ALG6: variants seen among roughly 807,000 people sequenced by gnomAD.
ALG6 encodes ALG6 alpha-1,3-glucosyltransferase, also known as dolichyl pyrophosphate Man9GlcNAc2 alpha-1,3-glucosyltransferase.
ALG6 carries 46 observed loss-of-function variants against 66.6 expected under a neutral mutation model. That is an observed-to-expected ratio of 0.69 (90% CI 0.55 to 0.88). ALG6 has a LOEUF of 0.88. Ranked by LOEUF, ALG6 falls within the 40% of genes least tolerant of loss-of-function variation. ALG6 has a pLI of 0.00. For synonymous variants in ALG6, 185 were observed against 203.7 expected (o/e 0.91, Z 0.78); for missense variants, 505 against 586.8 (o/e 0.86, Z 1.44).
chr1:63,425,321 C>T (rs572599505), intron 12 of ALG6, among the ~76,000 whole-genome samples: 29 of 152,216 alleles, frequency 1.9e-4, no homozygotes, highest in African/African-American at 6.7e-4. Flanking sequence ...GGGGTAGGAT[C>T]TAGAGCACAA....
chr1:63,408,468 C>G (rs933044476), intron 7 of ALG6, among the ~76,000 whole-genome samples: 1 of 152,116 alleles, frequency 6.6e-6, no homozygotes, highest in Non-Finnish European at 1.5e-5. Flanking sequence ...TGGGCCATGA[C>G]GAATAATGCT....
intron 12 of ALG6, among the ~76,000 whole-genome samples, chr1:63,424,603 T>G (rs1370334122): frequency 1.3e-5 from 2 of 152,084 alleles, no homozygotes; most frequent in Admixed American, 6.5e-5. Flanking sequence ...GCACAAAAGT[T>G]TTTAATTTTG....
At chr1:63,376,690 A>G (rs1296017358) in intron 2 of ALG6, among the ~76,000 whole-genome samples, 1 of 152,178 alleles carries the variant, frequency 6.6e-6, no homozygotes, top group Non-Finnish European at 1.5e-5. Flanking sequence ...CTTTCTGTGT[A>G]CTACTAATTC....
At chr1:63,381,177 A>G (rs953050691) in intron 2 of ALG6, among the ~76,000 whole-genome samples, 4 of 151,868 alleles carry the variant, frequency 2.6e-5, no homozygotes, top group African/African-American at 9.7e-5. Flanking sequence ...AAAATTGGCC[A>G]GGCGCGGTGG....
chr1:63,371,885 G>A (rs1300611118), intron 2 of ALG6, among the ~76,000 whole-genome samples: 2 of 152,170 alleles, frequency 1.3e-5, no homozygotes, highest in Non-Finnish European at 2.9e-5. Flanking sequence ...TTACAGGCGT[G>A]AGCCACCGCA....
intron 5 of ALG6, among the ~76,000 whole-genome samples, chr1:63,405,192 C>T (rs1278689006): frequency 6.6e-6 from 1 of 152,028 alleles, no homozygotes; most frequent in Admixed American, 6.6e-5. Context: ...GAATCTTAGG[C>T]CCAAGAGATA....
At chr1:63,414,854 G>A (rs1252816735) in intron 10 of ALG6, among the ~76,000 whole-genome samples, 1 of 152,158 alleles carries the variant, frequency 6.6e-6, no homozygotes, top group East Asian at 1.9e-4. Context: ...AAGTCACAAG[G>A]CAGGCAGTCA....
intron 2 of ALG6, among the ~76,000 whole-genome samples, chr1:63,381,337 C>T (rs1648295716): frequency 6.6e-6 from 1 of 152,104 alleles, no homozygotes; most frequent in Non-Finnish European, 1.5e-5. Flanking sequence ...GCCTGTAGTC[C>T]CAGCTACTAG....
chr1:63,429,172 A>G, intron 14 of ALG6, 46 bp downstream of exon 14: 1 of 1,358,522 alleles, frequency 7.4e-7, no homozygotes, highest in South Asian at 1.3e-5. Context: ...GCATGTCACT[A>G]TTTTAAAAAA....
intron 12 of ALG6, among the ~76,000 whole-genome samples, chr1:63,427,064 G>A (rs1644618808): frequency 6.6e-6 from 1 of 151,916 alleles, no homozygotes; most frequent in Non-Finnish European, 1.5e-5. Flanking sequence ...GCAGTGGCAC[G>A]ATCTCGGCTC....
intron 11 of ALG6, among the ~76,000 whole-genome samples, chr1:63,417,640 C>A (rs1644551758): frequency 6.6e-6 from 1 of 152,102 alleles, no homozygotes; most frequent in Admixed American, 6.5e-5. Context: ...TGTATAGCAG[C>A]AAAAGGATTT....
At chr1:63,404,408 A>G (rs753580644) in intron 4 of ALG6, 45 bp from the exon 5 acceptor site, 2 of 1,429,356 alleles carry the variant, frequency 1.4e-6, no homozygotes, top group South Asian at 2.3e-5. Flanking sequence ...TTATTGCTAA[A>G]AGGGATGAGG....
intron 2 of ALG6, among the ~76,000 whole-genome samples, chr1:63,379,957 G>C (rs1305960794): frequency 6.6e-6 from 1 of 151,842 alleles, no homozygotes; most frequent in Non-Finnish European, 1.5e-5. Context: ...CATGATGGTT[G>C]AAGCCAGGGG....
At chr1:63,413,324 T>C (rs535454998) in intron 9 of ALG6, among the ~76,000 whole-genome samples, 1 of 152,340 alleles carries the variant, frequency 6.6e-6, no homozygotes, top group East Asian at 1.9e-4. Flanking sequence ...ATTTCAGAAA[T>C]GGCATTTATC....
intron 3 of ALG6, among the ~76,000 whole-genome samples, chr1:63,397,133 C>T (rs1648848402): frequency 6.6e-6 from 1 of 151,776 alleles, no homozygotes; most frequent in African/African-American, 2.4e-5. Context: ...GGGCATGGCA[C>T]ATTGTAGACC....
chr1:63,421,584 T>A (rs544913451), intron 12 of ALG6, among the ~76,000 whole-genome samples: 27 of 152,276 alleles, frequency 1.8e-4, no homozygotes, highest in African/African-American at 6.5e-4. Context: ...GTATGTTTAT[T>A]GCAGCACTAT....
At chr1:63,418,148 A>G (rs1275028691) in intron 11 of ALG6, among the ~76,000 whole-genome samples, 1 of 151,154 alleles carries the variant, frequency 6.6e-6, no homozygotes, top group Non-Finnish European at 1.5e-5. Flanking sequence ...AAAAAAAAAA[A>G]GTAGTGTTAT....
intron 2 of ALG6, among the ~76,000 whole-genome samples, chr1:63,391,102 T>C (rs893579787): frequency 6.6e-6 from 1 of 152,218 alleles, no homozygotes; most frequent in African/African-American, 2.4e-5. Flanking sequence ...AGTTTGTTTT[T>C]TAATATGCTT....
intron 12 of ALG6, among the ~76,000 whole-genome samples, chr1:63,423,180 C>T (rs1644597475): frequency 6.6e-6 from 1 of 151,786 alleles, no homozygotes; most frequent in Non-Finnish European, 1.5e-5. Flanking sequence ...CACACCACCA[C>T]GCCCAGCTAA....
Sources: gnomAD v4.1 joint callset for allele counts (sites outside exome capture counted in the v4.1 genomes callset) on GRCh38, gnomAD v4.1.1 for gene constraint, MANE v1.5 for transcripts, NCBI Gene and HGNC (gene_info 2026-07-23, HGNC 2026-07-21) for gene names.